IFTAP: variants seen among roughly 807,000 people sequenced by gnomAD.
IFTAP encodes the protein intraflagellar transport-associated protein.
In IFTAP, 19 loss-of-function variants were observed where a neutral mutation model predicts 19.4. The ratio of observed to expected loss-of-function variants is 0.98; its 90% CI spans 0.68 to 1.44. The LOEUF is 1.44. IFTAP is among the 40% of genes most tolerant of loss of function. IFTAP has a pLI of 0.00. For missense variants in IFTAP, 240 were observed against 253.6 expected, an observed-to-expected ratio of 0.95 and a Z score of 0.36; for synonymous variants, 85 against 83.5, an observed-to-expected ratio of 1.02 and a Z score of -0.10.
chr11:36,610,186 A>G lies in IFTAP; in HGVS notation c.83A>G (p.His28Arg), dbSNP rs756376720. The stretch of plus-strand genomic sequence containing the variant: ...GTCTTGGATAAATTCCTTAATTGTC[A>G]TGAGCAAACATATGATGAAGAATTT... ...KDVLDKFLNC[H>R]EQTYDEEFLN... is the part of the protein sequence containing the mutation. Residue 28 changes from histidine to arginine, a missense_variant, in exon 2 of 6, where the codon CAT becomes CGT. By Grantham distance (29) the His-to-Arg change is conservative. Transcript: ENST00000334307. The G allele has an allele frequency of 1.4e-5, 23 of 1,610,508 alleles. No homozygotes were observed. Among genetic ancestry groups the G allele is most frequent in the Admixed American group, 6.7e-5 (4 of 59,924 alleles).
intron 2 of IFTAP, among the ~76,000 whole-genome samples, chr11:36,621,272 C>T (rs1488297365): frequency 6.6e-6 from 1 of 151,868 alleles, no homozygotes; most frequent in African/African-American, 2.4e-5. Context: ...TTCTTTTAGC[C>T]GTGAAACAAT....
chr11:36,636,177 CT>C, intron 4 of IFTAP, 60 bp downstream of exon 4: 1 of 1,280,342 alleles, frequency 7.8e-7, no homozygotes. Context: ...ACAAATAAGG[CT>C]TTAGACAGCT....
intron 5 of IFTAP, among the ~76,000 whole-genome samples, chr11:36,654,604 G>A (rs941729746): frequency 2.0e-5 from 3 of 151,886 alleles, no homozygotes; most frequent in Non-Finnish European, 2.9e-5. Flanking sequence ...ACTTGAATCC[G>A]TCTTCATCTC....
At chr11:36,630,050 A>G (rs1371995038) in intron 2 of IFTAP, among the ~76,000 whole-genome samples, 1 of 151,204 alleles carries the variant, frequency 6.6e-6, no homozygotes, top group African/African-American at 2.5e-5. Context: ...CTGATGAAAA[A>G]CAGAAACAGA....
At chr11:36,616,565 C>T (rs964640083) in intron 2 of IFTAP, among the ~76,000 whole-genome samples, 2 of 151,864 alleles carry the variant, frequency 1.3e-5, no homozygotes, top group African/African-American at 2.4e-5. Flanking sequence ...TCCAAACTCT[C>T]GGAGTTTCAA....
intron 2 of IFTAP, among the ~76,000 whole-genome samples, chr11:36,632,983 G>A (rs1216351937): frequency 2.0e-5 from 3 of 151,066 alleles, no homozygotes; most frequent in Non-Finnish European, 1.5e-5. Flanking sequence ...AGATGTGATA[G>A]GTCATGTCTA....
chr11:36,610,381 G>A (rs1419771932), intron 2 of IFTAP, 142 bp downstream of exon 2: 2 of 727,442 alleles, frequency 2.7e-6, no homozygotes, highest in African/African-American at 1.8e-5. Context: ...TAGGGCACTC[G>A]TGACTGATGC....
At chr11:36,619,209 G>C (rs1852208754) in intron 2 of IFTAP, among the ~76,000 whole-genome samples, 1 of 151,722 alleles carries the variant, frequency 6.6e-6, no homozygotes, top group Admixed American at 6.6e-5. Flanking sequence ...GATAAATTTT[G>C]AGTTGTCATT....
chr11:36,630,316 A>G (rs1389387737), intron 2 of IFTAP, among the ~76,000 whole-genome samples: 1 of 151,598 alleles, frequency 6.6e-6, no homozygotes. Flanking sequence ...TAGGAGGGAT[A>G]TAGCATATAT....
chr11:36,606,321 G>A (rs867030033), intron 1 of IFTAP, among the ~76,000 whole-genome samples: 5 of 152,114 alleles, frequency 3.3e-5, no homozygotes, highest in Non-Finnish European at 7.4e-5. Context: ...AAATTAGCCA[G>A]CCATAGTGGC....
At chr11:36,617,880 T>C (rs1852149714) in intron 2 of IFTAP, among the ~76,000 whole-genome samples, 1 of 151,978 alleles carries the variant, frequency 6.6e-6, no homozygotes, top group Non-Finnish European at 1.5e-5. Context: ...TGTACAATTA[T>C]ACCTCTCTCA....
intron 1 of IFTAP, among the ~76,000 whole-genome samples, chr11:36,601,512 T>C (rs1345915115): frequency 1.3e-5 from 2 of 152,212 alleles, no homozygotes; most frequent in Non-Finnish European, 2.9e-5. Context: ...TGGATTCTTT[T>C]CTTGAAAACA....
At chr11:36,599,749 G>A (rs1299827288) in intron 1 of IFTAP, among the ~76,000 whole-genome samples, 2 of 151,982 alleles carry the variant, frequency 1.3e-5, no homozygotes, top group African/African-American at 4.8e-5. Flanking sequence ...AGTTCCTTCT[G>A]TGATGATTTT....
Position 36,600,384 on chromosome 11 carries a change from T to C in IFTAP, c.-24+5792T>C, listed in dbSNP as rs546380769. 2.0e-5 allele frequency among the ~76,000 whole-genome samples: 3 copies of C among 152,352 alleles called. No individual in the cohort carries two copies. The South Asian group carries it at 6.2e-4, about 32-fold the overall frequency. ...GGCCGGCAAGCCTTACTGCCTGAGC[T>C]CTGCCTCCTGTCAGATCTGCTATGT... On this transcript the variant is annotated intron_variant, in intron 1 of 5. Transcript: ENST00000334307.
intron 4 of IFTAP, 128 bp downstream of exon 4, chr11:36,636,245 TG>T (rs1280427300): frequency 1.5e-6 from 1 of 681,774 alleles, no homozygotes; most frequent in Non-Finnish European, 2.5e-6. Context: ...GAACTAAAGT[TG>T]TGAGCTATTT....
intron 2 of IFTAP, among the ~76,000 whole-genome samples, chr11:36,625,537 T>G (rs902937391): frequency 6.6e-6 from 1 of 152,234 alleles, no homozygotes; most frequent in Non-Finnish European, 1.5e-5. Context: ...GGATATTTGT[T>G]TAGCCATTCT....
intron 4 of IFTAP, among the ~76,000 whole-genome samples, chr11:36,647,386 C>T (rs1193174807): frequency 1.3e-5 from 2 of 152,058 alleles, no homozygotes; most frequent in African/African-American, 2.4e-5. Flanking sequence ...GGAGACATAT[C>T]TGCTTATAAT....
chr11:36,595,865 G>A (rs1225944621), intron 1 of IFTAP, among the ~76,000 whole-genome samples: 1 of 152,224 alleles, frequency 6.6e-6, no homozygotes, highest in Non-Finnish European at 1.5e-5. Context: ...TTTAGGATAT[G>A]GGAATCAGGT....
At chr11:36,613,329 C>G (rs1414700593) in intron 2 of IFTAP, among the ~76,000 whole-genome samples, 1 of 151,946 alleles carries the variant, frequency 6.6e-6, no homozygotes, top group African/African-American at 2.4e-5. Context: ...TCTTGCCTGT[C>G]ATATTGCTAT....
Sources: allele counts gnomAD v4.1 joint callset (sites outside exome capture counted in the v4.1 genomes callset), GRCh38; gene constraint gnomAD v4.1.1; transcripts MANE v1.5; gene names NCBI Gene and HGNC (gene_info 2026-07-23, HGNC 2026-07-21).